Variants in KCTD15 observed in about 807,000 individuals in gnomAD.
KCTD15 encodes the protein BTB/POZ domain-containing protein KCTD15.
A neutral mutation model predicts 27.2 loss-of-function variants in KCTD15; 11 were observed. The observed-to-expected ratio is 0.41, with a 90% confidence interval of 0.25 to 0.67. The LOEUF is 0.67. Ranked by LOEUF, KCTD15 falls within the 30% of genes least tolerant of loss-of-function variation. The pLI is 0.35. For synonymous variants in KCTD15, 163 were observed against 176.0 expected (o/e 0.93, Z 0.58); for missense variants, 350 against 409.3 (o/e 0.86, Z 1.25).
intron 1 of KCTD15, chr19:33,797,279 TGTGTGCGCGC>T (rs138328510): frequency 0.22 from 53,121 of 245,082 alleles, 6,489 homozygotes; most frequent in Middle Eastern, 0.26. Context: ...TGTGTGTGTG[TGTGTGCGCGC>T]GCGCGCGCGC....
chr19:33,801,115 C>T, intron 3 of KCTD15, 52 bp from the exon 4 acceptor site: 1 of 1,518,078 alleles, frequency 6.6e-7, no homozygotes, highest in South Asian at 1.3e-5. Flanking sequence ...TGTGGAGAAA[C>T]TCTTGTGTTC....
In KCTD15 at chr19:33,800,423, C is replaced by A; in HGVS notation, c.-27-5C>A. The A allele has an allele frequency of 6.3e-7, 1 of 1,588,382 alleles. No homozygotes were observed. ...CTTCTCTGGTTTTGTCGATGCCTCCCGCAGATACTCTGGGCAGGGATGGAA... is the reference window on the plus strand; with the variant it reads ...CTTCTCTGGTTTTGTCGATGCCTCCAGCAGATACTCTGGGCAGGGATGGAA... On this transcript the variant is annotated splice_region_variant and splice_polypyrimidine_tract_variant and intron_variant, in intron 2 of 6. Transcript: ENST00000683859.
chr19:33,807,611 T>C (rs539469258), intron 5 of KCTD15, among the ~76,000 whole-genome samples: 2 of 152,038 alleles, frequency 1.3e-5, no homozygotes, highest in Non-Finnish European at 2.9e-5. Context: ...TCCCAGCTAC[T>C]CGGGAGGCTG....
intron 2 of KCTD15, 98 bp from the exon 3 acceptor site, chr19:33,800,330 A>G (rs576945824): frequency 3.1e-6 from 3 of 976,924 alleles, no homozygotes; most frequent in Non-Finnish European, 4.7e-6. Context: ...GCAGGGTCTC[A>G]GAGAGCATGC....
chr19:33,812,047 C>T, intron 6 of KCTD15: 1 of 1,395,634 alleles, frequency 7.2e-7, no homozygotes, highest in Non-Finnish European at 9.3e-7. Context: ...GAGTGAGGGC[C>T]TATTTTCCAA....
At chr19:33,806,711 T>C (rs1975722486) in intron 4 of KCTD15, 152 bp from the exon 5 acceptor site, 1 of 790,302 alleles carries the variant, frequency 1.3e-6, no homozygotes, top group Non-Finnish European at 2.0e-6. Context: ...TGTGTGCAGA[T>C]GTTGTCAGGC....
Position 33,800,502 on chromosome 19 carries a change from C to G in KCTD15, c.48C>G (p.His16Gln). The G allele has an allele frequency of 1.2e-6, 2 of 1,600,626 alleles. No individual in the cohort carries two copies. Among genetic ancestry groups the G allele is most frequent in the Non-Finnish European group, 1.7e-6 (2 of 1,175,042 alleles). The change falls in exon 3 of 7, where the codon CAC becomes CAG. Residue 16 changes from histidine (H) to glutamine (Q), a missense_variant. Physicochemically the swap from His to Gln is conservative, Grantham distance 24. This residue lies in a region of KCTD15 where 77 missense variants were observed against 72.7 expected (regional missense o/e 1.06). Transcript: ENST00000683859. The stretch of plus-strand genomic sequence containing the variant: ...CGAGCGGGTCCTCGCTTCACACACA[C>G]GGCAGCACCGGCACCGCGGTGAGCC... ...ERPSGSSLHT[H>Q]GSTGTAEGGN...
At chr19:33,794,586 A>G (rs1470542107), upstream of KCTD15, among the ~76,000 whole-genome samples, 1 of 152,104 alleles carries the variant, frequency 6.6e-6, no homozygotes, top group African/African-American at 2.4e-5. Flanking sequence ...TCATCCTCCA[A>G]CACAAGCCTG....
rs1975907797 is a variant in KCTD15 at position 33,811,387 on chromosome 19, C to G, written c.528C>G (p.Asp176Glu). ...GCCTGGTGGTGCGCGTCACGCCCGA[C>G]TTGGGCGAGCGGATCGCACTCAGCG... Reference protein sequence around the residue: ...CDCLVVRVTPDLGERIALSGE... With the variant: ...CDCLVVRVTPELGERIALSGE... The change falls in exon 6 of 7, where the codon GAC becomes GAG. Residue 176 changes from aspartate to glutamate, a missense_variant. Transcript: ENST00000683859. The G allele has an allele frequency of 6.2e-7, 1 of 1,602,254 alleles. No homozygotes were observed. Among genetic ancestry groups the G allele is most frequent in the Non-Finnish European group, 8.5e-7 (1 of 1,175,062 alleles).
chr19:33,797,342 G>A, intron 1 of KCTD15: 2 of 446,728 alleles, frequency 4.5e-6, no homozygotes, highest in Non-Finnish European at 9.0e-6. Flanking sequence ...GTTCTGGGCC[G>A]AGCGCCCTGC....
chr19:33,810,316 G>T (rs1975852828), intron 5 of KCTD15, among the ~76,000 whole-genome samples: 1 of 152,224 alleles, frequency 6.6e-6, no homozygotes, highest in Non-Finnish European at 1.5e-5. Context: ...TTTGGGCAGG[G>T]GCTGGACCAG....
chr19:33,812,632 G>A (rs896186404), intron 6 of KCTD15, 158 bp from the exon 7 acceptor site: 7 of 1,300,464 alleles, frequency 5.4e-6, no homozygotes, highest in Non-Finnish European at 6.8e-6. Context: ...AACCCAGCAC[G>A]TGGTTCTGTA....
rs1448028845 is a variant in KCTD15, at chr19:33,813,505, A to G, written c.*557A>G. The G allele has an allele frequency of 2.3e-6, 1 of 425,898 alleles. No homozygotes were observed. Among genetic ancestry groups the G allele is most frequent in the African/African-American group, 2.0e-5 (1 of 49,166 alleles). 26.4% of individuals were successfully genotyped at this position (425,898 alleles called of 1,614,324 possible). On this transcript the variant is annotated 3_prime_UTR_variant, in exon 7 of 7. Coordinates refer to ENST00000683859, the MANE Select transcript of KCTD15 (RefSeq NM_001129994.2). The stretch of plus-strand genomic sequence containing the variant: ...CCAGCTGCCTGGCATTCAGGCCCAG[A>G]TGCCTGCAGGGCTGGGGCTCTCGGG...
At chr19:33,811,219 C>T in intron 5 of KCTD15, 28 bp from the exon 6 acceptor site, 3 of 1,460,784 alleles carry the variant, frequency 2.1e-6, no homozygotes, top group Non-Finnish European at 2.7e-6. Flanking sequence ...CCGACACCCA[C>T]ATCAACACCC....
At chr19:33,801,443 C>T (rs1361144734) in intron 4 of KCTD15, 101 bp downstream of exon 4, 2 of 1,053,084 alleles carry the variant, frequency 1.9e-6, no homozygotes, top group East Asian at 2.8e-5. Context: ...TCACTCCACC[C>T]ACCAGGGTCT....
In KCTD15 at chr19:33,811,461, T is replaced by C; in HGVS notation, c.602T>C (p.Met201Thr). Reference sequence around the variant, plus strand: ...GTCTTCCCCGAGACCGGAGACGTCATGTGCAACTCCGTCAACGCCGGCTGG... The same window carrying C: ...GTCTTCCCCGAGACCGGAGACGTCACGTGCAACTCCGTCAACGCCGGCTGG... ...EEVFPETGDV[M>T]CNSVNAGWNQ... Residue 201 changes from methionine to threonine, a missense_variant, in exon 6 of 7, where the codon ATG becomes ACG. This residue lies in a region of KCTD15 where 219 missense variants were observed against 234.9 expected (regional missense o/e 0.93). Coordinates refer to ENST00000683859, the MANE Select transcript of KCTD15 (RefSeq NM_001129994.2). The C allele has an allele frequency of 3.1e-6, 5 of 1,612,902 alleles. No homozygotes were observed. Among genetic ancestry groups the C allele is most frequent in the Non-Finnish European group, 4.2e-6 (5 of 1,179,808 alleles).
chr19:33,812,930 G>A lies in KCTD15; in HGVS notation c.834G>A (p.Lys278=), dbSNP rs552378145. The A allele has an allele frequency of 2.2e-5, 34 of 1,548,704 alleles. No homozygotes were observed. The highest frequency in any genetic ancestry group is 2.5e-5 in the Non-Finnish European group (29 of 1,146,622). The part of the protein sequence containing the change: ...PQPTPTAVRI[K]QEPLD ...CCACCCCCACTGCTGTTCGAATCAAGCAGGAACCCCTGGACTAGGCCCTGC... is the reference window on the plus strand; with the variant it reads ...CCACCCCCACTGCTGTTCGAATCAAACAGGAACCCCTGGACTAGGCCCTGC... The change falls in exon 7 of 7, where the codon AAG becomes AAA. Residue 278 remains lysine, a synonymous_variant. Transcript: ENST00000683859.
upstream of KCTD15, among the ~76,000 whole-genome samples, chr19:33,795,275 A>C (rs543646736): frequency 3.0e-3 from 458 of 152,336 alleles, 2 homozygotes; most frequent in African/African-American, 0.011. Flanking sequence ...TTAGGAGGAA[A>C]GTTTCGGCTG....
At chr19:33,797,287 C>CGTGT (rs1415199842) in intron 1 of KCTD15, 11 of 117,684 alleles carry the variant, frequency 9.3e-5, no homozygotes, top group Admixed American at 7.5e-4. Context: ...TGTGTGTGCG[C>CGTGT]GCGCGCGCGC....
Sources: allele counts gnomAD v4.1 joint callset (sites outside exome capture counted in the v4.1 genomes callset), GRCh38; gene constraint gnomAD v4.1.1; regional missense constraint gnomAD v4.1.1; transcripts MANE v1.5; gene names NCBI Gene and HGNC (gene_info 2026-07-23, HGNC 2026-07-21).